The following SEMA3E variants were observed in gnomAD, a reference collection of about 807,000 sequenced individuals.
SEMA3E encodes semaphorin 3E.
A neutral mutation model predicts 93.6 loss-of-function variants in SEMA3E; 49 were observed. That is an observed-to-expected ratio of 0.52 (90% CI 0.42 to 0.66). The LOEUF (loss-of-function observed/expected upper bound fraction) is 0.66, where lower values mean the gene tolerates loss of function less well. SEMA3E is among the 30% of genes least tolerant of loss of function. The pLI is 0.00. For missense variants in SEMA3E, 906 were observed against 964.8 expected (o/e 0.94, Z 0.81); for synonymous variants, 363 against 330.7 (o/e 1.10, Z -1.06).
At chr7:83,639,546 AC>A (rs1445688522) in intron 1 of SEMA3E, among the ~76,000 whole-genome samples, 6 of 151,840 alleles carry the variant, frequency 4.0e-5, no homozygotes, top group African/African-American at 1.5e-4. Context: ...CAAGGGTCTT[AC>A]AAAAAATTAC....
Position 83,452,310 on chromosome 7 carries a change from A to G in SEMA3E, c.456+14172T>C, listed in dbSNP as rs531386978. ...TTATTTTGACTTCTTCCATGTATTT[A>G]TATTTGTTCAAGTGGGGGAAAAAAA... On this transcript the variant is annotated intron_variant, in intron 4 of 16. Transcript: ENST00000643230. 1.1e-3 allele frequency among the ~76,000 whole-genome samples: 164 copies of G among 152,214 alleles called. 1 individual carries two copies. Among genetic ancestry groups the G allele is most frequent in the Non-Finnish European group, 2.1e-3 (143 of 67,998 alleles).
chr7:83,624,433 G>T (rs1005785216), intron 1 of SEMA3E, among the ~76,000 whole-genome samples: 1 of 152,064 alleles, frequency 6.6e-6, no homozygotes, highest in Non-Finnish European at 1.5e-5. Flanking sequence ...GCATGAGTTG[G>T]TATGTCATTG....
At position 83,481,169 on chromosome 7, in the gene SEMA3E, C is replaced by G. The variant is rs192149402; in HGVS notation, c.276+8945G>C. ...AGACAAATGCAGATGTGGGTTGAAT[C>G]TATGGTCAATCAAGCGAAAAATGTC... On this transcript the variant is annotated intron_variant, in intron 2 of 16. Coordinates refer to ENST00000643230, the MANE Select transcript of SEMA3E (RefSeq NM_012431.3). 1.1e-3 allele frequency among the ~76,000 whole-genome samples: 169 copies of G among 152,116 alleles called. 4 individuals carry two copies. In the South Asian group the frequency reaches 0.018, roughly 16 times the overall value.
At chr7:83,471,133 C>T (rs1789885095) in intron 2 of SEMA3E, among the ~76,000 whole-genome samples, 1 of 151,918 alleles carries the variant, frequency 6.6e-6, no homozygotes, top group South Asian at 2.1e-4. Context: ...GCATAAGATG[C>T]TATTTGTTAA....
chr7:83,615,634 C>A lies in SEMA3E; in HGVS notation c.115+32794G>T, dbSNP rs1693367. Among the ~76,000 whole-genome samples the A allele has an allele frequency of 4.2e-3, 642 of 152,100 alleles. 3 individuals are homozygous for A. Among genetic ancestry groups the A allele is most frequent in the African/African-American group, 0.015 (608 of 41,514 alleles). Reference sequence around the variant, plus strand: ...CATTAATAATGTCACTCTTTATACACGCCCCATCATTTTTTACTACAGTTG... The same window carrying A: ...CATTAATAATGTCACTCTTTATACAAGCCCCATCATTTTTTACTACAGTTG... On this transcript the variant is annotated intron_variant, in intron 1 of 16. Coordinates refer to ENST00000643230, the MANE Select transcript of SEMA3E (RefSeq NM_012431.3).
intron 2 of SEMA3E, among the ~76,000 whole-genome samples, chr7:83,479,897 G>T (rs1790110055): frequency 6.6e-6 from 1 of 151,958 alleles, no homozygotes; most frequent in Non-Finnish European, 1.5e-5. Flanking sequence ...GGCTTCAATT[G>T]TTAAACACAA....
Position 83,389,411 on chromosome 7 carries a change from A to C in SEMA3E, c.1668-2361T>G, listed in dbSNP as rs1787946875. ...TTATTATACAAGTGAGATGAGGATA[A>C]GGAAACTACAATCAAATAATTCTAG... On this transcript the variant is annotated intron_variant, in intron 14 of 16. Transcript: ENST00000643230. Among the ~76,000 whole-genome samples the C allele has an allele frequency of 1.3e-5, 2 of 149,344 alleles. 1 individual carries two copies. The highest frequency in any genetic ancestry group is 1.4e-4 in the Admixed American group (2 of 14,770).
chr7:83,414,693 A>C (rs991805518), intron 5 of SEMA3E, among the ~76,000 whole-genome samples: 1 of 152,116 alleles, frequency 6.6e-6, no homozygotes, highest in African/African-American at 2.4e-5. Context: ...TTTAGTGTGC[A>C]TTTACTTTGA....
At chr7:83,520,935 T>C (rs535773334) in intron 1 of SEMA3E, among the ~76,000 whole-genome samples, 1 of 152,320 alleles carries the variant, frequency 6.6e-6, no homozygotes, top group South Asian at 2.1e-4. Flanking sequence ...TGTTTACTTC[T>C]CTACACGTAT....
At chr7:83,570,349 C>G (rs1033939500) in intron 1 of SEMA3E, among the ~76,000 whole-genome samples, 2 of 150,702 alleles carry the variant, frequency 1.3e-5, no homozygotes, top group African/African-American at 4.9e-5. Context: ...GTCAGGAGAT[C>G]GAGACCATCC....
chr7:83,526,290 G>T (rs1791158111), intron 1 of SEMA3E, among the ~76,000 whole-genome samples: 1 of 152,008 alleles, frequency 6.6e-6, no homozygotes, highest in Admixed American at 6.6e-5. Flanking sequence ...CACAGCATCT[G>T]TCTTGATATT....
At chr7:83,396,541 T>C (rs1345827283) in intron 12 of SEMA3E, 97 bp downstream of exon 12, 2 of 726,064 alleles carry the variant, frequency 2.8e-6, no homozygotes, top group African/African-American at 3.5e-5. Flanking sequence ...ACAACATACC[T>C]GTTAGGGAAA....
At chr7:83,449,664 CTTGA>C (rs1789312958) in intron 4 of SEMA3E, among the ~76,000 whole-genome samples, 1 of 152,070 alleles carries the variant, frequency 6.6e-6, no homozygotes, top group African/African-American at 2.4e-5. Context: ...TCGGACTTAA[CTTGA>C]TTGTCAATAA....
intron 1 of SEMA3E, among the ~76,000 whole-genome samples, chr7:83,556,521 G>C (rs1389831711): frequency 1.3e-5 from 2 of 152,086 alleles, no homozygotes; most frequent in Admixed American, 6.6e-5. Flanking sequence ...AGACATTGAG[G>C]GGCCAGGGAA....
intron 3 of SEMA3E, among the ~76,000 whole-genome samples, chr7:83,468,667 A>C (rs989955935): frequency 2.6e-5 from 4 of 152,140 alleles, no homozygotes; most frequent in African/African-American, 9.7e-5. Context: ...CGCATGTGAA[A>C]GTTCTATCAC....
At chr7:83,416,316 T>G (rs1429107142) in intron 5 of SEMA3E, among the ~76,000 whole-genome samples, 1 of 152,104 alleles carries the variant, frequency 6.6e-6, no homozygotes, top group Non-Finnish European at 1.5e-5. Context: ...TGGCAAGCAC[T>G]TCAGATTTCA....
chr7:83,432,838 T>G (rs1389062291), intron 4 of SEMA3E, among the ~76,000 whole-genome samples: 2 of 152,092 alleles, frequency 1.3e-5, no homozygotes, highest in African/African-American at 4.8e-5. Flanking sequence ...AAAAAAGATA[T>G]CCAACATAAA....
chr7:83,461,431 A>T lies in SEMA3E; in HGVS notation c.456+5051T>A, dbSNP rs143080579. ...AATCTTTTTGTCACCTCCCCTCCTC[A>T]CACCTGGTCCGGCTTACAGTTTCGT... On this transcript the variant is annotated intron_variant, in intron 4 of 16. Coordinates refer to ENST00000643230, the MANE Select transcript of SEMA3E (RefSeq NM_012431.3). Among the ~76,000 whole-genome samples, 1,101 of 151,694 alleles carry T rather than the reference A, an allele frequency of 7.3e-3. 16 individuals are homozygous for T. Among genetic ancestry groups the T allele is most frequent in the African/African-American group, 0.026 (1,061 of 41,338 alleles).
intron 2 of SEMA3E, among the ~76,000 whole-genome samples, chr7:83,469,912 C>T (rs2371780): frequency 0.97 from 147,701 of 151,968 alleles, 71,926 homozygotes; most frequent in Middle Eastern, 1. Context: ...TTCTCCTGCC[C>T]CAGCCTCCCG....
Sources: gnomAD v4.1 joint callset for allele counts (sites outside exome capture counted in the v4.1 genomes callset) on GRCh38, gnomAD v4.1.1 for gene constraint, MANE v1.5 for transcripts, NCBI Gene and HGNC (gene_info 2026-07-23, HGNC 2026-07-21) for gene names.